The following RSPO2 variants were observed in gnomAD, a reference collection of about 807,000 sequenced individuals.
The protein encoded by RSPO2 is R-spondin 2.
A neutral mutation model predicts 30.9 loss-of-function variants in RSPO2; 14 were observed. That is an observed-to-expected ratio of 0.45 (90% CI 0.30 to 0.71). RSPO2 has a LOEUF of 0.71. Among genes scored for constraint, RSPO2 ranks in the 30% least tolerant of loss-of-function variants. The pLI, the probability that RSPO2 is intolerant of heterozygous loss-of-function variation, is 0.08. For synonymous variants in RSPO2, 107 were observed against 96.4 expected (o/e 1.11, Z -0.64); for missense variants, 264 against 301.9 (o/e 0.87, Z 0.93).
intron 2 of RSPO2, among the ~76,000 whole-genome samples, chr8:108,019,534 C>T (rs1810995164): frequency 6.6e-6 from 1 of 152,118 alleles, no homozygotes; most frequent in Non-Finnish European, 1.5e-5. Context: ...CTCAGCCTTT[C>T]GGTCTGAGCC....
At chr8:108,022,931 A>C (rs1010664009) in intron 2 of RSPO2, among the ~76,000 whole-genome samples, 6 of 150,160 alleles carry the variant, frequency 4.0e-5, no homozygotes, top group Admixed American at 6.6e-5. Context: ...CAAAAAAAAA[A>C]ACAAAAAAAA....
At chr8:107,968,873 A>G (rs1334868390) in intron 3 of RSPO2, among the ~76,000 whole-genome samples, 1 of 152,164 alleles carries the variant, frequency 6.6e-6, no homozygotes, top group Admixed American at 6.6e-5. Flanking sequence ...AAATAAATAT[A>G]TACATATGCA....
chr8:108,004,361 G>C (rs1815379227), intron 2 of RSPO2, among the ~76,000 whole-genome samples: 1 of 152,094 alleles, frequency 6.6e-6, no homozygotes, highest in Non-Finnish European at 1.5e-5. Flanking sequence ...CCTGCAAATG[G>C]GCCACTCTCC....
chr8:108,001,500 T>G (rs1393883754), intron 2 of RSPO2, among the ~76,000 whole-genome samples: 2 of 152,136 alleles, frequency 1.3e-5, no homozygotes, highest in African/African-American at 4.8e-5. Flanking sequence ...TGAAAAAAAG[T>G]GTACAATTAA....
At chr8:108,038,437 T>C (rs560274849) in intron 2 of RSPO2, among the ~76,000 whole-genome samples, 1 of 152,302 alleles carries the variant, frequency 6.6e-6, no homozygotes, top group Non-Finnish European at 1.5e-5. Context: ...CAACAACAGA[T>C]GATTTAGAAT....
intron 2 of RSPO2, among the ~76,000 whole-genome samples, chr8:108,078,071 T>C (rs1465165998): frequency 1.3e-5 from 2 of 152,216 alleles, no homozygotes; most frequent in Non-Finnish European, 2.9e-5. Flanking sequence ...GAGGTGGTTT[T>C]GCATTAGGGA....
rs1437080375 is a variant in RSPO2, at chr8:107,900,950, TGTTACTGGGAACA to T, written c.*112_*124del. ...ATGCTGGTGGTGCTTCCTTTCACCA[TGTTACTGGGAACA>T]GATACTGGGCAGAGCAGCACAAAGG... On this transcript the variant is annotated 3_prime_UTR_variant, in exon 6 of 6. Coordinates refer to ENST00000276659, the MANE Select transcript of RSPO2 (RefSeq NM_178565.5). 1.0e-6 allele frequency: 1 copy of T among 980,186 alleles called. No individual in the cohort carries two copies. Among genetic ancestry groups the T allele is most frequent in the Non-Finnish European group, 1.5e-6 (1 of 665,476 alleles). 60.7% of individuals were successfully genotyped at this position (980,186 alleles called of 1,614,324 possible). A position where few individuals can be genotyped will look rare whatever the true frequency, so the allele number is the denominator to read the frequency against.
At chr8:107,917,814 T>C (rs1812026275) in intron 5 of RSPO2, among the ~76,000 whole-genome samples, 1 of 152,204 alleles carries the variant, frequency 6.6e-6, no homozygotes, top group African/African-American at 2.4e-5. Context: ...TAGTTATAAT[T>C]GTTATGTAAA....
At chr8:108,010,574 TCA>T (rs1287108216) in intron 2 of RSPO2, among the ~76,000 whole-genome samples, 2 of 152,090 alleles carry the variant, frequency 1.3e-5, no homozygotes, top group African/African-American at 4.8e-5. Context: ...GAAGACAACT[TCA>T]CAGTCAGGAC....
chr8:107,973,783 TCCC>T (rs928450008), intron 3 of RSPO2, among the ~76,000 whole-genome samples: 1 of 152,060 alleles, frequency 6.6e-6, no homozygotes, highest in Non-Finnish European at 1.5e-5. Context: ...CTTCCTTTTT[TCCC>T]CCCATCTTCT....
chr8:108,064,566 C>T (rs1258853021), intron 2 of RSPO2, among the ~76,000 whole-genome samples: 1 of 152,208 alleles, frequency 6.6e-6, no homozygotes, highest in East Asian at 1.9e-4. Context: ...CACTTATACA[C>T]TGTTGGTGGG....
chr8:107,975,472 G>A (rs1465594846), intron 3 of RSPO2, among the ~76,000 whole-genome samples: 1 of 152,152 alleles, frequency 6.6e-6, no homozygotes, highest in Non-Finnish European at 1.5e-5. Flanking sequence ...CAGTTCACTT[G>A]CCTCTGGTAG....
intron 2 of RSPO2, among the ~76,000 whole-genome samples, chr8:108,016,617 T>C (rs918812779): frequency 1.3e-5 from 2 of 151,998 alleles, no homozygotes; most frequent in Admixed American, 6.5e-5. Context: ...ATACACACAC[T>C]ATGTGGCTCA....
intron 3 of RSPO2, chr8:107,983,096 C>T (rs1586600369): frequency 7.2e-6 from 10 of 1,382,288 alleles, no homozygotes; most frequent in Admixed American, 2.2e-5. Flanking sequence ...CTTCCTAAGG[C>T]CGCCGCTTAC....
chr8:108,024,470 T>C (rs1811143413), intron 2 of RSPO2, among the ~76,000 whole-genome samples: 1 of 150,740 alleles, frequency 6.6e-6, no homozygotes, highest in South Asian at 2.1e-4. Flanking sequence ...GAGTATCTAA[T>C]GTATGTTACC....
chr8:107,916,115 C>T (rs934436545), intron 5 of RSPO2, among the ~76,000 whole-genome samples: 2 of 152,124 alleles, frequency 1.3e-5, no homozygotes, highest in Admixed American at 1.3e-4. Context: ...GATTAATTGG[C>T]TTAGAAAAAT....
intron 2 of RSPO2, among the ~76,000 whole-genome samples, chr8:108,022,332 T>C (rs1031529387): frequency 6.6e-6 from 1 of 152,216 alleles, no homozygotes; most frequent in Non-Finnish European, 1.5e-5. Flanking sequence ...GGAATGGCTA[T>C]TCTCCCCTTT....
intron 2 of RSPO2, among the ~76,000 whole-genome samples, chr8:108,060,100 T>A (rs1812403021): frequency 6.6e-6 from 1 of 151,706 alleles, no homozygotes; most frequent in South Asian, 2.1e-4. Flanking sequence ...GCTCCCAGCA[T>A]GGTCGGAGCA....
At chr8:108,053,026 T>C (rs965160475) in intron 2 of RSPO2, among the ~76,000 whole-genome samples, 3 of 152,086 alleles carry the variant, frequency 2.0e-5, no homozygotes, top group Non-Finnish European at 4.4e-5. Context: ...CTAGGTAGGG[T>C]ATTATTTTAC....
Sources: gnomAD v4.1 joint callset for allele counts (sites outside exome capture counted in the v4.1 genomes callset) on GRCh38, gnomAD v4.1.1 for gene constraint, MANE v1.5 for transcripts, NCBI Gene and HGNC (gene_info 2026-07-23, HGNC 2026-07-21) for gene names.